Variants in KLHL22 observed in about 807,000 individuals in gnomAD.
KLHL22 encodes the protein kelch like family member 22.
In KLHL22, 18 loss-of-function variants were observed where a neutral mutation model predicts 60.7. The observed-to-expected ratio is 0.30, with a 90% CI of 0.20 to 0.44. The LOEUF is 0.44. Ranked by LOEUF, KLHL22 falls within the 20% of genes least tolerant of loss-of-function variation. KLHL22 has a pLI of 1.00. For missense variants in KLHL22, 596 were observed against 852.3 expected, an observed-to-expected ratio of 0.70 and a Z score of 3.74; for synonymous variants, 355 against 354.5, an observed-to-expected ratio of 1.00 and a Z score of -0.01.
chr22:20,480,513 G>A (rs1366104355), intron 2 of KLHL22, among the ~76,000 whole-genome samples: 1 of 152,188 alleles, frequency 6.6e-6, no homozygotes, highest in African/African-American at 2.4e-5. Context: ...TGGCAAACCA[G>A]TATGCTGCCT....
chr22:20,488,645 C>A, intron 2 of KLHL22: 15 of 260,386 alleles, frequency 5.8e-5, no homozygotes, highest in Non-Finnish European at 8.5e-5. Flanking sequence ...GTGATGCATA[C>A]ACAGCAATAA....
At chr22:20,453,761 G>A (rs969438208) in intron 5 of KLHL22, among the ~76,000 whole-genome samples, 3 of 152,000 alleles carry the variant, frequency 2.0e-5, no homozygotes, top group African/African-American at 7.2e-5. Flanking sequence ...TTTTGAGACA[G>A]TCTCACTCTG....
chr22:20,449,612 G>A (rs549602500), intron 5 of KLHL22, among the ~76,000 whole-genome samples: 9 of 151,344 alleles, frequency 5.9e-5, no homozygotes, highest in African/African-American at 1.5e-4. Context: ...TGTTGGCCAG[G>A]CTGGTCTCTG....
chr22:20,450,605 C>A, intron 5 of KLHL22: 6 of 1,602,268 alleles, frequency 3.7e-6, no homozygotes, highest in Non-Finnish European at 5.1e-6. Flanking sequence ...AAGAATTTTC[C>A]TGAAGTGGTA....
At chr22:20,476,634 C>T (rs1212300150) in intron 2 of KLHL22, among the ~76,000 whole-genome samples, 1 of 151,118 alleles carries the variant, frequency 6.6e-6, no homozygotes, top group Non-Finnish European at 1.5e-5. Context: ...AGGATGGTCT[C>T]GATCTCCTGA....
intron 6 of KLHL22, among the ~76,000 whole-genome samples, chr22:20,445,825 G>A (rs561140414): frequency 1.3e-5 from 2 of 152,062 alleles, no homozygotes. Flanking sequence ...GTGCAGTGGC[G>A]TGATCTCAGC....
At chr22:20,486,438 G>C (rs1355205437) in intron 2 of KLHL22, among the ~76,000 whole-genome samples, 1 of 152,010 alleles carries the variant, frequency 6.6e-6, no homozygotes, top group Admixed American at 6.6e-5. Flanking sequence ...TCTCAGCACT[G>C]GGTGCATCGT....
chr22:20,479,502 G>A (rs1601377109), intron 2 of KLHL22, among the ~76,000 whole-genome samples: 1 of 152,142 alleles, frequency 6.6e-6, no homozygotes, highest in East Asian at 1.9e-4. Context: ...AGGAGTTTGA[G>A]ACCAGCCTGG....
At position 20,489,201 on chromosome 22, in the gene KLHL22, T is replaced by C. The variant is rs757779651; in HGVS notation, c.11A>G (p.Glu4Gly). The change falls in exon 2 of 7, where the codon GAG (glutamate) becomes GGG (glycine). Residue 4 changes from glutamate to glycine, a missense_variant. Transcript: ENST00000328879. MAE[E>G]QEFTQLCKLP... The stretch of plus-strand genomic sequence containing the variant: ...CTTGCAGAGCTGGGTGAACTCCTGC[T>C]CCTCTGCCATCCTGACAGCCACAAG... 8 of 1,613,802 alleles carry C rather than the reference T, an allele frequency of 5.0e-6. No individual in the cohort carries two copies. The African/African-American group carries it at 5.3e-5, about 11-fold the overall frequency.
chr22:20,446,306 A>T (rs1279341260), intron 6 of KLHL22, 137 bp downstream of exon 6: 2 of 661,170 alleles, frequency 3.0e-6, no homozygotes, highest in Non-Finnish European at 5.4e-6. Context: ...CTTCCACTTA[A>T]TTTTGCTGTG....
At chr22:20,487,753 C>T (rs2053609583) in intron 2 of KLHL22, among the ~76,000 whole-genome samples, 1 of 152,134 alleles carries the variant, frequency 6.6e-6, no homozygotes, top group Non-Finnish European at 1.5e-5. Flanking sequence ...TGGAAAGCCA[C>T]ATAAGGTTTT....
intron 1 of KLHL22, among the ~76,000 whole-genome samples, chr22:20,494,984 G>A (rs1313148707): frequency 6.6e-6 from 1 of 152,224 alleles, no homozygotes; most frequent in Non-Finnish European, 1.5e-5. Context: ...GGCAAAGGGG[G>A]CGGCTGCGGT....
chr22:20,491,171 G>A (rs545067754), intron 1 of KLHL22: 17 of 152,344 alleles, frequency 1.1e-4, no homozygotes, highest in African/African-American at 4.1e-4. Context: ...TGTGGGAAGT[G>A]GTGCAGAGCT....
At chr22:20,488,670 G>T in intron 2 of KLHL22, 1 of 239,262 alleles carries the variant, frequency 4.2e-6, no homozygotes, top group Non-Finnish European at 7.8e-6. Flanking sequence ...TGACGGAGGG[G>T]AGGAATGGTA....
chr22:20,492,030 T>A (rs1379062290), intron 1 of KLHL22: 1 of 152,284 alleles, frequency 6.6e-6, no homozygotes, highest in South Asian at 2.1e-4. Flanking sequence ...TGCTCTATGA[T>A]AATTCTCCCT....
intron 2 of KLHL22, among the ~76,000 whole-genome samples, chr22:20,476,554 C>T (rs560268921): frequency 3.5e-5 from 5 of 144,656 alleles, no homozygotes; most frequent in African/African-American, 5.2e-5. Context: ...GCTGGGACTA[C>T]AGGTGCCCGC....
chr22:20,494,081 C>CT (rs980540457), intron 1 of KLHL22, among the ~76,000 whole-genome samples: 4 of 112,554 alleles, frequency 3.6e-5, no homozygotes, highest in Non-Finnish European at 5.6e-5. Flanking sequence ...TTTGCCCCCC[C>CT]CCCAAAAAAA....
intron 5 of KLHL22, 135 bp downstream of exon 5, chr22:20,457,673 G>A: frequency 1.5e-6 from 1 of 674,700 alleles, no homozygotes; most frequent in Middle Eastern, 3.2e-4. Flanking sequence ...AGGGTCTCTG[G>A]AGAAGCATGG....
At chr22:20,451,430 A>C in intron 5 of KLHL22, 1 of 1,607,212 alleles carries the variant, frequency 6.2e-7, no homozygotes, top group Non-Finnish European at 8.5e-7. Flanking sequence ...GACGGCTTGA[A>C]TATCTTAAAT....
Sources: allele counts gnomAD v4.1 joint callset (sites outside exome capture counted in the v4.1 genomes callset), GRCh38; gene constraint gnomAD v4.1.1; transcripts MANE v1.5; gene names NCBI Gene and HGNC (gene_info 2026-07-23, HGNC 2026-07-21).